Variants in AEBP1 observed in about 807,000 individuals in gnomAD.
The protein encoded by AEBP1 is AE binding protein 1.
In AEBP1, 69 loss-of-function variants were observed where a neutral mutation model predicts 116.5. The ratio of observed to expected loss-of-function variants is 0.59; its 90% CI spans 0.49 to 0.72. The LOEUF is 0.72. Ranked by LOEUF, AEBP1 falls within the 30% of genes least tolerant of loss-of-function variation. AEBP1 has a pLI of 0.00. For missense variants in AEBP1, 1,444 were observed against 1,557.5 expected (o/e 0.93, Z 1.23); for synonymous variants, 627 against 627.3 (o/e 1.00, Z 0.01).
intron 1 of AEBP1, 91 bp from the exon 2 acceptor site, chr7:44,106,455 C>T (rs1168892375): frequency 7.6e-7 from 1 of 1,323,580 alleles, no homozygotes; most frequent in Non-Finnish European, 1.0e-6. Flanking sequence ...GACAAGAGTC[C>T]CTGTGCCCAG....
Position 44,114,324 on chromosome 7 carries a change from G to T in AEBP1, c.*63G>T. 6.4e-7 allele frequency: 1 copy of T among 1,563,194 alleles called. No homozygotes were observed. The highest frequency in any genetic ancestry group is 2.2e-5 in the East Asian group (1 of 44,510). On this transcript the variant is annotated 3_prime_UTR_variant, in exon 21 of 21. Coordinates refer to ENST00000223357, the MANE Select transcript of AEBP1 (RefSeq NM_001129.5). ...TACAGCAGCAGCACTTCCCAAGCCT[G>T]CTGACCACAGTCACATCACCCATCA...
In AEBP1 at chr7:44,114,058, G is replaced by A. The variant is rs1259370784; in HGVS notation, c.3274G>A (p.Glu1092Lys). ...TGAGACCTACACAGAGGTGGTGACA[G>A]AGTTTGGGACCGAGGTGGAGCCCGA... ...ETETYTEVVT[E>K]FGTEVEPEFG... is the part of the protein sequence containing the mutation. Residue 1092 changes from glutamate (E) to lysine (K), a missense_variant, in exon 21 of 21, where the codon GAG becomes AAG. By Grantham distance (56) the Glu-to-Lys change is moderately conservative. Transcript: ENST00000223357. 1 of 1,614,152 alleles carries A rather than the reference G, an allele frequency of 6.2e-7. No individual in the cohort carries two copies. Among genetic ancestry groups the A allele is most frequent in the South Asian group, 1.1e-5 (1 of 91,076 alleles).
Position 44,109,185 on chromosome 7 carries a change from G to A in AEBP1, c.1096+1G>A. On this transcript the variant is annotated splice_donor_variant, in intron 8 of 20. Transcript: ENST00000223357. LOFTEE classifies it high-confidence loss of function. ...GTGGAGAAGGGCAAGGACCACAAAG[G>A]TGTGTGGCTGGGGCTTGGGGCCTGG... The A allele has an allele frequency of 6.2e-7, 1 of 1,613,766 alleles. No individual in the cohort carries two copies. Among genetic ancestry groups the A allele is most frequent in the Non-Finnish European group, 8.5e-7 (1 of 1,179,984 alleles).
chr7:44,104,522 C>T lies in AEBP1; in HGVS notation c.-144C>T. The T allele has an allele frequency of 1.8e-6, 1 of 557,570 alleles. No homozygotes were observed. Among genetic ancestry groups the T allele is most frequent in the Non-Finnish European group, 2.9e-6 (1 of 339,378 alleles). The allele number at this position is 557,570 out of a possible 1,614,324, so 34.5% of individuals were successfully genotyped here. A position where few individuals can be genotyped will look rare whatever the true frequency, so the allele number is the denominator to read the frequency against. ...CCTAATCCACTCTCCCTCCCTTTCC[C>T]GGATTCCCTCGCTCACCCCATCCTC... On this transcript the variant is annotated 5_prime_UTR_variant, in exon 1 of 21. Coordinates refer to ENST00000223357, the MANE Select transcript of AEBP1 (RefSeq NM_001129.5).
rs1279270209 is a variant in AEBP1, at chr7:44,108,608, C to CAGGT, written c.941-290_941-287dup. On this transcript the variant is annotated intron_variant, in intron 6 of 20. Transcript: ENST00000223357. This position sits in a 1 kb window ranked among gnomAD's most constrained non-coding sequence, Gnocchi z 5.0. ...ACCCCCCAGCCCGCAACCCCAGGCA[C>CAGGT]AGGTGCCAGTTGTCCCTCCAGGCCT... Among the ~76,000 whole-genome samples, 1 of 152,192 alleles carries CAGGT rather than the reference C, an allele frequency of 6.6e-6. No individual in the cohort carries two copies. Among genetic ancestry groups the CAGGT allele is most frequent in the Non-Finnish European group, 1.5e-5 (1 of 68,028 alleles).
rs1052169878 is a variant in AEBP1 at position 44,112,379 on chromosome 7, G to C, written c.2217+58G>C. On this transcript the variant is annotated intron_variant, in intron 17 of 20. Transcript: ENST00000223357. This position sits in a 1 kb window ranked among gnomAD's most constrained non-coding sequence, Gnocchi z 6.6. ...GGAGCAGCTGGACCCTGGGGTCCTGGTGTTCTGGGCTTGGGGGTGGGGCTG... is the reference window on the plus strand; with the variant it reads ...GGAGCAGCTGGACCCTGGGGTCCTGCTGTTCTGGGCTTGGGGGTGGGGCTG... 1.3e-6 allele frequency: 2 copies of C among 1,501,222 alleles called. No homozygotes were observed. Among genetic ancestry groups the C allele is most frequent in the African/African-American group, 1.4e-5 (1 of 71,280 alleles). 93.0% of individuals were successfully genotyped at this position (1,501,222 alleles called of 1,614,324 possible). A position where few individuals can be genotyped will look rare whatever the true frequency, so the allele number is the denominator to read the frequency against.
rs1054155793 is a variant in AEBP1 at position 44,110,774 on chromosome 7, A to T, written c.1450A>T (p.Thr484Ser). The stretch of plus-strand genomic sequence containing the variant: ...CGTGGGCTTCAGCAATGACAGCCAG[A>T]CATGGGTGATGTACACCAACGGCTA... ...FFVGFSNDSQTWVMYTNGYEE... is the reference protein window; with the variant it reads ...FFVGFSNDSQSWVMYTNGYEE... Residue 484 changes from threonine (T) to serine (S), a missense_variant, in exon 12 of 21, where the codon ACA becomes TCA. By Grantham distance (58) the Thr-to-Ser change is moderately conservative. Coordinates refer to ENST00000223357, the MANE Select transcript of AEBP1 (RefSeq NM_001129.5). 45 of 1,535,148 alleles carry T rather than the reference A, an allele frequency of 2.9e-5. No individual in the cohort carries two copies. Among genetic ancestry groups the T allele is most frequent in the Middle Eastern group, 1.8e-4 (1 of 5,654 alleles).
chr7:44,113,964 C>T lies in AEBP1; in HGVS notation c.3180C>T (p.Thr1060=). ...PPTLPPAPAT[T]LSTTIEPWGL... ...CGCTGCCCCCTGCCCCTGCCACCAC[C>T]CTGAGCACTACCATAGAGCCCTGGG... The change falls in exon 21 of 21, where the codon ACC becomes ACT. Residue 1060 remains threonine, a synonymous_variant. Transcript: ENST00000223357. This position sits in a 1 kb window ranked among gnomAD's most constrained non-coding sequence, Gnocchi z 5.3. 6.2e-7 allele frequency: 1 copy of T among 1,613,610 alleles called. No homozygotes were observed. Among genetic ancestry groups the T allele is most frequent in the Non-Finnish European group, 8.5e-7 (1 of 1,179,738 alleles).
intron 11 of AEBP1, 100 bp downstream of exon 11, chr7:44,110,446 C>A: frequency 1.3e-6 from 2 of 1,542,138 alleles, no homozygotes; most frequent in South Asian, 2.4e-5. Context: ...TTCTTTGGCC[C>A]AGCCAAAGAA....
rs765742837 is a variant in AEBP1, at chr7:44,112,902, G to A, written c.2562G>A (p.Arg854=). 3.7e-6 allele frequency: 6 copies of A among 1,610,886 alleles called. No homozygotes were observed. The African/African-American group carries it at 5.3e-5, about 14-fold the overall frequency. ...TCAACGGGGCCAAGTGGAACCCCCG[G>A]ACCGGGAGTGAGTCAGCCTGGGAGG... ...GIVNGAKWNP[R]TGTINDFSYL... is the part of the protein sequence containing the mutation. Residue 854 remains arginine, a synonymous_variant, in exon 18 of 21, where the codon CGG becomes CGA. Coordinates refer to ENST00000223357, the MANE Select transcript of AEBP1 (RefSeq NM_001129.5). This position sits in a 1 kb window ranked among gnomAD's most constrained non-coding sequence, Gnocchi z 6.6.
rs1310467488 is a variant in AEBP1 at position 44,106,872 on chromosome 7, C to T, written c.580C>T (p.Leu194=). 1 of 1,584,134 alleles carries T rather than the reference C, an allele frequency of 6.3e-7. No homozygotes were observed. The highest frequency in any genetic ancestry group is 8.6e-7 in the Non-Finnish European group (1 of 1,167,406). ...PPPPSPGPEE[L]PQEGGAPLSN... ...ACCCCCCAGCCCTGGCCCCGAGGAGCTACCCCAGGAGGGAGGTTTGTGCCG... is the reference window on the plus strand; with the variant it reads ...ACCCCCCAGCCCTGGCCCCGAGGAGTTACCCCAGGAGGGAGGTTTGTGCCG... The change falls in exon 2 of 21, where the codon CTA becomes TTA. Residue 194 remains leucine (L), a synonymous_variant. Transcript: ENST00000223357.
chr7:44,113,180 G>A lies in AEBP1; in HGVS notation c.2709+50G>A, dbSNP rs2096231860. On this transcript the variant is annotated intron_variant, in intron 19 of 20. Coordinates refer to ENST00000223357, the MANE Select transcript of AEBP1 (RefSeq NM_001129.5). This position sits in a 1 kb window ranked among gnomAD's most constrained non-coding sequence, Gnocchi z 5.3. ...GGGAGAGGAGGCTGCACAGGCTCCT[G>A]GATGGGCGGGAGGGAGCAGCGGACC... The A allele has an allele frequency of 6.2e-7, 1 of 1,613,228 alleles. No individual in the cohort carries two copies. The highest frequency in any genetic ancestry group is 1.3e-5 in the African/African-American group (1 of 74,982).
In AEBP1 at chr7:44,107,442, C is replaced by T. The variant is rs139352566; in HGVS notation, c.599C>T (p.Ala200Val). 9,899 of 1,613,164 alleles carry T rather than the reference C, an allele frequency of 6.1e-3. 46 individuals are homozygous for T. Among genetic ancestry groups the T allele is most frequent in the Non-Finnish European group, 7.6e-3 (9,014 of 1,179,882 alleles). ...TTCTGGAACTCCTGTGTTGCAGGGG[C>T]GCCCCTCTCAAATAACTGGCAGAAT... ...GPEELPQEGGAPLSNNWQNPG... is the reference protein window; with the variant it reads ...GPEELPQEGGVPLSNNWQNPG... Residue 200 changes from alanine (A) to valine (V), a missense_variant, in exon 3 of 21, where the codon GCG becomes GTG. Ala to Val is a moderately conservative substitution (Grantham distance 64, BLOSUM62 0). Coordinates refer to ENST00000223357, the MANE Select transcript of AEBP1 (RefSeq NM_001129.5). This position sits in a 1 kb window ranked among gnomAD's most constrained non-coding sequence, Gnocchi z 4.3.
Position 44,113,808 on chromosome 7 carries a change from G to A in AEBP1, c.3024G>A (p.Ser1008=). 2 of 1,613,972 alleles carry A rather than the reference G, an allele frequency of 1.2e-6. No homozygotes were observed. The highest frequency in any genetic ancestry group is 8.5e-7 in the Non-Finnish European group (1 of 1,179,968). ...GNRPIPHIDP[S]RPMTPQQRRL... ...GGCCTATCCCACACATAGACCCATCGCGCCCTATGACCCCCCAACAGCGAC... is the reference window on the plus strand; with the variant it reads ...GGCCTATCCCACACATAGACCCATCACGCCCTATGACCCCCCAACAGCGAC... Residue 1008 remains serine (S), a synonymous_variant, in exon 21 of 21, where the codon TCG becomes TCA. Coordinates refer to ENST00000223357, the MANE Select transcript of AEBP1 (RefSeq NM_001129.5). The surrounding 1 kb of genome is among the most constrained non-coding windows in gnomAD (Gnocchi z 5.3).
Position 44,113,127 on chromosome 7 carries a change from G to A in AEBP1, c.2706G>A (p.Glu902=), listed in dbSNP as rs750332166. The A allele has an allele frequency of 6.2e-6, 10 of 1,614,008 alleles. No individual in the cohort carries two copies. The South Asian group carries it at 9.9e-5, about 16-fold the overall frequency. The change falls in exon 19 of 21, where the codon GAG becomes GAA. Residue 902 remains glutamate (E), a synonymous_variant. Transcript: ENST00000223357. This position sits in a 1 kb window ranked among gnomAD's most constrained non-coding sequence, Gnocchi z 5.3. ...NNKEALLTFM[E]QVHRGIKGVV... ...AGGAGGCGCTGCTCACCTTCATGGA[G>A]CAGGTGGGGTGGCTAGGGCAATGCC... is the stretch of plus-strand genomic sequence containing the variant.
intron 9 of AEBP1, chr7:44,109,571 C>G: frequency 1.7e-6 from 1 of 596,232 alleles, no homozygotes; most frequent in South Asian, 2.2e-5. Flanking sequence ...TCCCCAGGGC[C>G]CCTAGTGGCT....
rs1562686419 is a variant in AEBP1, at chr7:44,109,918, C to T, written c.1151-97C>T. On this transcript the variant is annotated intron_variant, in intron 9 of 20. Transcript: ENST00000223357. The stretch of plus-strand genomic sequence containing the variant: ...CAGAGCTGCCCTCTGACTGTGCCCC[C>T]GATGTGCCGGGAGTGGGCTCTGGGC... 4.5e-6 allele frequency: 5 copies of T among 1,114,248 alleles called. No homozygotes were observed. In the East Asian group the frequency reaches 7.8e-5, roughly 17 times the overall value. 69.0% of individuals were successfully genotyped at this position (1,114,248 alleles called of 1,614,324 possible).
In AEBP1 at chr7:44,111,330, C is replaced by T. The variant is rs2096229163; in HGVS notation, c.1716+91C>T. On this transcript the variant is annotated intron_variant, in intron 14 of 20. Coordinates refer to ENST00000223357, the MANE Select transcript of AEBP1 (RefSeq NM_001129.5). The surrounding 1 kb of genome is among the most constrained non-coding windows in gnomAD (Gnocchi z 4.7). ...GTGCTTCTGTCACTGGGCCCAGTCC[C>T]TACTGGTTCCAGGGATGCTGGCTGT... The T allele has an allele frequency of 7.1e-7, 1 of 1,415,126 alleles. No individual in the cohort carries two copies. The highest frequency in any genetic ancestry group is 2.8e-5 in the Admixed American group (1 of 35,998). 87.7% of individuals were successfully genotyped at this position (1,415,126 alleles called of 1,614,324 possible). A position where few individuals can be genotyped will look rare whatever the true frequency, so the allele number is the denominator to read the frequency against.
chr7:44,108,868 G>T lies in AEBP1; in HGVS notation c.941-31G>T. ...AGCTGAGGCCCCGCAGCAGGGTCAG[G>T]GCAGCCTCAGCTGGCTCTCCCTCCC... On this transcript the variant is annotated intron_variant, in intron 6 of 20. Coordinates refer to ENST00000223357, the MANE Select transcript of AEBP1 (RefSeq NM_001129.5). The surrounding 1 kb of genome is among the most constrained non-coding windows in gnomAD (Gnocchi z 5.0). 1 of 1,552,480 alleles carries T rather than the reference G, an allele frequency of 6.4e-7. No individual in the cohort carries two copies. The highest frequency in any genetic ancestry group is 1.2e-5 in the South Asian group (1 of 84,306).
Sources: allele counts gnomAD v4.1 joint callset (sites outside exome capture counted in the v4.1 genomes callset), GRCh38; gene constraint gnomAD v4.1.1; non-coding constraint Gnocchi (gnomAD v3.1); transcripts MANE v1.5; gene names NCBI Gene and HGNC (gene_info 2026-07-23, HGNC 2026-07-21).